The following FSTL4 variants were observed in gnomAD, a reference collection of about 807,000 sequenced individuals.
The protein encoded by FSTL4 is follistatin-related protein 4.
In FSTL4, 28 loss-of-function variants were observed where a neutral mutation model predicts 78.2. The ratio of observed to expected loss-of-function variants is 0.36; its 90% CI spans 0.27 to 0.49. The LOEUF is 0.49. Ranked by LOEUF, FSTL4 falls within the 20% of genes least tolerant of loss-of-function variation. FSTL4 has a pLI of 0.98. For synonymous variants in FSTL4, 422 were observed against 440.5 expected, an observed-to-expected ratio of 0.96 and a Z score of 0.53; for missense variants, 922 against 1,084.9, an observed-to-expected ratio of 0.85 and a Z score of 2.11.
Position 133,271,175 on chromosome 5 carries a change from T to A in FSTL4, c.728-21599A>T, listed in dbSNP as rs371313895. On this transcript the variant is annotated intron_variant, in intron 6 of 15. Transcript: ENST00000265342. ...TTCGATGGCTCTTAATTTGCCCAAT[T>A]GGGGAAGATGAATCTAGTGCCCCTG... is the stretch of plus-strand genomic sequence containing the variant. 5.4e-4 allele frequency among the ~76,000 whole-genome samples: 83 copies of A among 152,332 alleles called. 3 individuals carry two copies. In the South Asian group the frequency reaches 0.016, roughly 29 times the overall value.
intron 3 of FSTL4, among the ~76,000 whole-genome samples, chr5:133,449,922 A>G (rs1757348083): frequency 1.3e-5 from 2 of 152,210 alleles, no homozygotes; most frequent in South Asian, 4.1e-4. Flanking sequence ...TTGGGGTCCC[A>G]CTAGGCCTTT....
the FSTL4 span, among the ~76,000 whole-genome samples, chr5:133,834,877 A>T: frequency 6.6e-6 from 1 of 151,974 alleles, no homozygotes; most frequent in African/African-American, 2.4e-5. Context: ...TATTATATAT[A>T]TTTTATGAAA....
intron 6 of FSTL4, among the ~76,000 whole-genome samples, chr5:133,296,513 A>G (rs1156956014): frequency 6.6e-6 from 1 of 152,160 alleles, no homozygotes. Context: ...CCCTGCCCCC[A>G]GCTTCCCATA....
chr5:133,320,439 T>G (rs1393334831), intron 4 of FSTL4, among the ~76,000 whole-genome samples: 1 of 152,098 alleles, frequency 6.6e-6, no homozygotes, highest in Non-Finnish European at 1.5e-5. Context: ...CTCTTCCAGC[T>G]TCAAACATTT....
chr5:133,580,531 T>C (rs256254), intron 2 of FSTL4, among the ~76,000 whole-genome samples: 48,857 of 152,052 alleles, frequency 0.32, 8,803 homozygotes, highest in African/African-American at 0.48. Context: ...GTAGAGAATA[T>C]CTCATGCTAA....
chr5:133,830,702 C>A, the FSTL4 span, among the ~76,000 whole-genome samples: 1 of 152,198 alleles, frequency 6.6e-6, no homozygotes, highest in African/African-American at 2.4e-5. Context: ...CCTCCAGTCC[C>A]AGCACTCCCT....
chr5:133,823,761 A>C, the FSTL4 span, among the ~76,000 whole-genome samples: 2 of 152,082 alleles, frequency 1.3e-5, no homozygotes, highest in Non-Finnish European at 2.9e-5. Context: ...CTTTCTGACC[A>C]AGGTCAGCAT....
At chr5:133,605,592 A>C (rs1212562004) in intron 1 of FSTL4, among the ~76,000 whole-genome samples, 1 of 152,196 alleles carries the variant, frequency 6.6e-6, no homozygotes, top group Non-Finnish European at 1.5e-5. Context: ...CTGCCTCTCC[A>C]CATCTGCTTT....
Position 133,224,206 on chromosome 5 carries a change from G to T in FSTL4, c.1323C>A (p.Ile441=). The T allele has an allele frequency of 6.2e-7, 1 of 1,612,736 alleles. No homozygotes were observed. The highest frequency in any genetic ancestry group is 8.5e-7 in the Non-Finnish European group (1 of 1,178,858). ...EDSARKTLAN[I]LWREEGLSVG... is the part of the protein sequence containing the mutation. ...GCTTGGTACCTTCCTCTCGCCACAG[G>T]ATGTTTGCAACTGCAGCAGCAGAGA... Residue 441 remains isoleucine (I), a synonymous_variant, in exon 11 of 16, where the codon ATC becomes ATA. Transcript: ENST00000265342.
chr5:133,405,434 T>C (rs1370924068), intron 3 of FSTL4, among the ~76,000 whole-genome samples: 1 of 152,252 alleles, frequency 6.6e-6, no homozygotes, highest in Non-Finnish European at 1.5e-5. Context: ...GCCAAGTGCC[T>C]GCCCATGGGC....
chr5:133,748,237 C>A, the FSTL4 span, among the ~76,000 whole-genome samples: 3 of 151,258 alleles, frequency 2.0e-5, no homozygotes, highest in Non-Finnish European at 4.4e-5. Flanking sequence ...CTTCTTCAAC[C>A]AACTGCTCCC....
chr5:133,734,436 C>T, the FSTL4 span, among the ~76,000 whole-genome samples: 2 of 151,830 alleles, frequency 1.3e-5, no homozygotes, highest in African/African-American at 4.8e-5. Context: ...AGATTTGCTG[C>T]AAAATACTCC....
intron 3 of FSTL4, among the ~76,000 whole-genome samples, chr5:133,406,109 C>T (rs1756357175): frequency 6.6e-6 from 1 of 152,212 alleles, no homozygotes; most frequent in South Asian, 2.1e-4. Context: ...AACCAGGGTG[C>T]TGCAGCGGGC....
chr5:133,776,030 ACT>A, the FSTL4 span, among the ~76,000 whole-genome samples: 1 of 152,016 alleles, frequency 6.6e-6, no homozygotes, highest in Non-Finnish European at 1.5e-5. Context: ...AGCTGATGAG[ACT>A]CTGTGTTCCA....
chr5:133,840,518 T>C, the FSTL4 span, among the ~76,000 whole-genome samples: 11 of 152,238 alleles, frequency 7.2e-5, no homozygotes, highest in Non-Finnish European at 1.6e-4. Flanking sequence ...CTTGCTGGTC[T>C]CTGCACAATT....
At chr5:133,340,574 C>T (rs907036104) in intron 4 of FSTL4, among the ~76,000 whole-genome samples, 2 of 152,054 alleles carry the variant, frequency 1.3e-5, no homozygotes, top group Non-Finnish European at 1.5e-5. Flanking sequence ...TACCTTAGTC[C>T]CACGTCACAT....
the FSTL4 span, among the ~76,000 whole-genome samples, chr5:133,698,504 A>T: frequency 0.27 from 41,558 of 152,246 alleles, 5,921 homozygotes; most frequent in African/African-American, 0.35. Context: ...TCTGTCAAAC[A>T]TGATGGAGCC....
the FSTL4 span, among the ~76,000 whole-genome samples, chr5:133,636,859 T>C: frequency 6.6e-6 from 1 of 152,146 alleles, no homozygotes. Flanking sequence ...GAACAACAAC[T>C]GAACATTGGT....
chr5:133,669,295 A>G, the FSTL4 span, among the ~76,000 whole-genome samples: 4 of 152,106 alleles, frequency 2.6e-5, no homozygotes, highest in Non-Finnish European at 5.9e-5. Flanking sequence ...AAATCCTGAG[A>G]TGGGGGGGCA....
Sources: gnomAD v4.1 joint callset for allele counts (sites outside exome capture counted in the v4.1 genomes callset) on GRCh38, gnomAD v4.1.1 for gene constraint, MANE v1.5 for transcripts, NCBI Gene and HGNC (gene_info 2026-07-23, HGNC 2026-07-21) for gene names.